The following PDE4D variants were observed in gnomAD, a reference collection of about 807,000 sequenced individuals.
PDE4D encodes the protein phosphodiesterase 4D.
In PDE4D, 24 loss-of-function variants were observed where a neutral mutation model predicts 87.4. The observed-to-expected ratio is 0.27, with a 90% CI of 0.20 to 0.39. The LOEUF is 0.39. PDE4D is among the 10% of genes least tolerant of loss of function. PDE4D has a pLI of 1.00. For missense variants in PDE4D, 714 were observed against 1,041.0 expected, an observed-to-expected ratio of 0.69 and a Z score of 4.32; for synonymous variants, 384 against 383.2, an observed-to-expected ratio of 1.00 and a Z score of -0.02.
intron 6 of PDE4D, among the ~76,000 whole-genome samples, chr5:59,018,941 CTT>C (rs34235697): frequency 3.0e-4 from 41 of 138,766 alleles, no homozygotes; most frequent in East Asian, 2.3e-3. Context: ...CCTGCCCCCT[CTT>C]TTTTTTTTTT....
intron 1 of PDE4D, among the ~76,000 whole-genome samples, chr5:59,845,135 A>G (rs1743634247): frequency 6.6e-6 from 1 of 152,104 alleles, no homozygotes; most frequent in African/African-American, 2.4e-5. Context: ...CATGAATGCC[A>G]TCTGCAAACA....
intron 6 of PDE4D, among the ~76,000 whole-genome samples, chr5:58,994,425 G>A (rs1748675911): frequency 6.6e-6 from 1 of 151,956 alleles, no homozygotes; most frequent in Admixed American, 6.6e-5. Flanking sequence ...CTTTTAATAA[G>A]CCTTTAATAT....
chr5:59,439,773 G>A (rs1361798642), intron 1 of PDE4D, among the ~76,000 whole-genome samples: 3 of 152,134 alleles, frequency 2.0e-5, no homozygotes, highest in Non-Finnish European at 4.4e-5. Flanking sequence ...GGATATAGGG[G>A]ACATAGGATG....
At chr5:59,784,280 A>C (rs1561656997) in intron 1 of PDE4D, among the ~76,000 whole-genome samples, 1 of 151,668 alleles carries the variant, frequency 6.6e-6, no homozygotes. Context: ...TGTGCTTTTC[A>C]AATTTATGGA....
At chr5:59,146,870 CA>C (rs1359809687) in intron 5 of PDE4D, among the ~76,000 whole-genome samples, 1 of 152,134 alleles carries the variant, frequency 6.6e-6, no homozygotes, top group African/African-American at 2.4e-5. Flanking sequence ...ATTTCTGGCC[CA>C]TATAGCAGGG....
intron 1 of PDE4D, among the ~76,000 whole-genome samples, chr5:60,520,154 A>G (rs1750971686): frequency 6.6e-6 from 1 of 152,128 alleles, no homozygotes; most frequent in South Asian, 2.1e-4. Flanking sequence ...CAATGTACAG[A>G]CATAGGTGCC....
intron 2 of PDE4D, among the ~76,000 whole-genome samples, chr5:60,185,094 A>G (rs1312050563): frequency 1.3e-5 from 2 of 152,200 alleles, no homozygotes; most frequent in African/African-American, 4.8e-5. Context: ...AAAAAGATTA[A>G]AAGAAGAAAT....
At chr5:60,442,826 G>T (rs1392416875) in intron 1 of PDE4D, among the ~76,000 whole-genome samples, 1 of 152,058 alleles carries the variant, frequency 6.6e-6, no homozygotes, top group Non-Finnish European at 1.5e-5. Flanking sequence ...TTATTTGAAA[G>T]AAAATATAGG....
intron 1 of PDE4D, among the ~76,000 whole-genome samples, chr5:59,501,180 A>G (rs1808231061): frequency 1.3e-5 from 2 of 152,268 alleles, no homozygotes; most frequent in South Asian, 2.1e-4. Flanking sequence ...TCCGATTTTC[A>G]TTACAATTTA....
chr5:59,304,006 T>G (rs1770778181), intron 1 of PDE4D, among the ~76,000 whole-genome samples: 1 of 152,188 alleles, frequency 6.6e-6, no homozygotes, highest in Admixed American at 6.6e-5. Context: ...ACAATATTGA[T>G]TCTACCCATC....
rs757005106 is a variant in PDE4D at position 59,771,473 on chromosome 5, GAAAGAA to G, written c.455+121689_455+121694del. 2.1e-3 allele frequency among the ~76,000 whole-genome samples: 199 copies of G among 94,774 alleles called. 2 individuals are homozygous for G. Among genetic ancestry groups the G allele is most frequent in the African/African-American group, 6.2e-3 (151 of 24,348 alleles). The allele number at this position is 94,774 out of a possible 152,430, so 62.2% of individuals were successfully genotyped here. A position where few individuals can be genotyped will look rare whatever the true frequency, so the allele number is the denominator to read the frequency against. ...AGAAAGAAAGAAAGAAAGAAAGAAA[GAAAGAA>G]AGAAAGAGAGAGAGAGAGAGAAGAA... On this transcript the variant is annotated intron_variant, in intron 1 of 14. Coordinates refer to ENST00000340635, the MANE Select transcript of PDE4D (RefSeq NM_001104631.2).
intron 5 of PDE4D, chr5:59,164,807 A>C (rs2153468193): frequency 6.6e-6 from 1 of 152,308 alleles, no homozygotes; most frequent in East Asian, 1.9e-4. Context: ...ACCCAGGCGA[A>C]GTGAATGGCT....
Position 59,627,307 on chromosome 5 carries a change from C to T in PDE4D, c.455+265861G>A, listed in dbSNP as rs146316165. Among the ~76,000 whole-genome samples the T allele has an allele frequency of 1.5e-4, 23 of 152,216 alleles. No homozygotes were observed. The East Asian group carries it at 1.7e-3, about 12-fold the overall frequency. Reference sequence around the variant, plus strand: ...TATTCTTTTCAGAAAAGTCACAAAGCAGGTGGGATATTTTGTCACTGTTCA... The same window carrying T: ...TATTCTTTTCAGAAAAGTCACAAAGTAGGTGGGATATTTTGTCACTGTTCA... On this transcript the variant is annotated intron_variant, in intron 1 of 14. Transcript: ENST00000340635.
chr5:60,092,313 A>G lies in PDE4D; in HGVS notation c.42+93244T>C, dbSNP rs75316066. Among the ~76,000 whole-genome samples the G allele has an allele frequency of 5.9e-5, 9 of 152,216 alleles. No homozygotes were observed. The East Asian group carries it at 1.7e-3, about 29-fold the overall frequency. On this transcript the variant is annotated intron_variant, in intron 2 of 16. Coordinates refer to the PDE4D transcript ENST00000502484. ...GGGAAGGGAAGCAGGGAGGAGATGA[A>G]GAGAATTTGGTTAATGTGTAAAAAA...
chr5:60,146,464 T>C (rs375029976), intron 2 of PDE4D, among the ~76,000 whole-genome samples: 1 of 152,188 alleles, frequency 6.6e-6, no homozygotes, highest in African/African-American at 2.4e-5. Flanking sequence ...GACCAGCTCA[T>C]TGGAAAATTG....
rs1751243572 is a variant in PDE4D, at chr5:59,893,316, G to A, written c.307C>T (p.Arg103Cys). Residue 103 changes from arginine (R) to cysteine (C), a missense_variant, in exon 1 of 15, where the codon CGC becomes TGC. This residue lies in a region of PDE4D where 268 missense variants were observed against 272.9 expected (regional missense o/e 0.98). Transcript: ENST00000340635. ...TCCGAGTAGCCGCGATGCCGGACGC[G>A]GCCGGTGGCCCCGCTCGAGGCGTAG... ...GRYASSGATG[R>C]VRHRGYSDTE... 6.6e-7 allele frequency: 1 copy of A among 1,525,094 alleles called. No individual in the cohort carries two copies. Among genetic ancestry groups the A allele is most frequent in the East Asian group, 2.6e-5 (1 of 38,100 alleles). The allele number at this position is 1,525,094 out of a possible 1,614,324, so 94.5% of individuals were successfully genotyped here. A position where few individuals can be genotyped will look rare whatever the true frequency, so the allele number is the denominator to read the frequency against.
intron 1 of PDE4D, among the ~76,000 whole-genome samples, chr5:59,250,418 G>A (rs1759707871): frequency 1.3e-5 from 2 of 150,982 alleles, no homozygotes; most frequent in Admixed American, 1.3e-4. Context: ...GCTTAAGCAT[G>A]GGAGGTCAAA....
chr5:60,126,303 G>A (rs1779118707), intron 2 of PDE4D, among the ~76,000 whole-genome samples: 1 of 151,920 alleles, frequency 6.6e-6, no homozygotes, highest in African/African-American at 2.4e-5. Flanking sequence ...AGTCACAGAT[G>A]CCAAAACAAC....
intron 1 of PDE4D, among the ~76,000 whole-genome samples, chr5:59,557,336 C>A (rs1018258501): frequency 6.6e-6 from 1 of 152,128 alleles, no homozygotes; most frequent in African/African-American, 2.4e-5. Context: ...CCTCCATCAC[C>A]CCCTACATTG....
Sources: gnomAD v4.1 joint callset for allele counts (sites outside exome capture counted in the v4.1 genomes callset) on GRCh38, gnomAD v4.1.1 for gene constraint, gnomAD v4.1.1 regional missense constraint, MANE v1.5 for transcripts, NCBI Gene and HGNC (gene_info 2026-07-23, HGNC 2026-07-21) for gene names.